The following CSMD3 variants were observed in gnomAD, a reference collection of about 807,000 sequenced individuals.
The protein encoded by CSMD3 is CUB and sushi domain-containing protein 3.
Under a neutral mutation model 435.2 loss-of-function variants are expected in CSMD3, and 177 were observed. That is an observed-to-expected ratio of 0.41 (90% confidence interval 0.36 to 0.46). The LOEUF is 0.46. Among genes scored for constraint, CSMD3 ranks in the 20% least tolerant of loss-of-function variants. The probability of loss-of-function intolerance (pLI) is 0.34; values close to 1 mark genes in which losing one functional copy is unlikely to be tolerated. For synonymous variants in CSMD3, 1,656 were observed against 1,520.5 expected (o/e 1.09, Z -2.07); for missense variants, 4,265 against 4,504.6 (o/e 0.95, Z 1.52).
intron 4 of CSMD3, among the ~76,000 whole-genome samples, chr8:113,134,041 A>G (rs2091353053): frequency 6.6e-6 from 1 of 152,104 alleles, no homozygotes; most frequent in Admixed American, 6.6e-5. Flanking sequence ...GGTAAATTTT[A>G]TATTATATGT....
chr8:112,242,889 C>T (rs185593486), intron 65 of CSMD3, among the ~76,000 whole-genome samples: 209 of 152,118 alleles, frequency 1.4e-3, no homozygotes, highest in African/African-American at 4.9e-3. Context: ...TGAATGACAT[C>T]ACCTAAAAGT....
chr8:112,637,098 A>G, intron 21 of CSMD3, 93 bp from the exon 22 acceptor site: 1 of 983,930 alleles, frequency 1.0e-6, no homozygotes, highest in Non-Finnish European at 1.6e-6. Flanking sequence ...TATTGTTTTT[A>G]GAACCTAGTC....
At position 112,711,822 on chromosome 8, in the gene CSMD3, T is replaced by A. The variant is rs1049728006; in HGVS notation, c.1973-21772A>T. 5.3e-5 allele frequency among the ~76,000 whole-genome samples: 8 copies of A among 152,208 alleles called. No individual in the cohort carries two copies. The South Asian group carries it at 6.2e-4, about 12-fold the overall frequency. On this transcript the variant is annotated intron_variant, in intron 13 of 70. Transcript: ENST00000297405. The stretch of plus-strand genomic sequence containing the variant: ...AGGCTGGAGTGCAGTGGCCAGATAA[T>A]GGCTCACTGCAGCTCACTGAGGCCT...
chr8:112,288,466 T>G (rs1819434816), intron 57 of CSMD3, among the ~76,000 whole-genome samples: 2 of 152,104 alleles, frequency 1.3e-5, no homozygotes, highest in African/African-American at 4.8e-5. Context: ...AATCACTAGT[T>G]AAAAGATTTG....
chr8:112,241,740 G>A lies in CSMD3; in HGVS notation c.10448C>T (p.Thr3483Ile), dbSNP rs1233058192. 1 of 1,612,266 alleles carries A rather than the reference G, an allele frequency of 6.2e-7. No individual in the cohort carries two copies. The change falls in exon 66 of 71, where the codon ACA becomes ATA. Residue 3483 changes from threonine to isoleucine, a missense_variant. Transcript: ENST00000297405. Reference sequence around the variant, plus strand: ...CTAACCACTTAGCTTTGGGCTGGGTGTTCCCAGTGCAGGTCTAGGATCTTT... The same window carrying A: ...CTAACCACTTAGCTTTGGGCTGGGTATTCCCAGTGCAGGTCTAGGATCTTT... ...LVKDPRPALG[T>I]PSPKLSVPDD... is the part of the protein sequence containing the mutation.
At chr8:112,476,810 T>C (rs1819099391) in intron 31 of CSMD3, among the ~76,000 whole-genome samples, 1 of 152,170 alleles carries the variant, frequency 6.6e-6, no homozygotes, top group Non-Finnish European at 1.5e-5. Flanking sequence ...CATAACCTTA[T>C]GTGATTTATC....
At chr8:113,273,354 C>T (rs1048469344) in intron 3 of CSMD3, among the ~76,000 whole-genome samples, 15 of 151,862 alleles carry the variant, frequency 9.9e-5, no homozygotes, top group Middle Eastern at 3.4e-3. Flanking sequence ...CCCTTGTTAT[C>T]GGTGACTTTG....
intron 3 of CSMD3, among the ~76,000 whole-genome samples, chr8:113,181,361 C>T (rs888791921): frequency 3.9e-5 from 6 of 152,004 alleles, no homozygotes; most frequent in African/African-American, 1.4e-4. Context: ...TAATGTCATT[C>T]TGTTTTCATA....
At chr8:113,190,328 A>C (rs149427945) in intron 3 of CSMD3, among the ~76,000 whole-genome samples, 1 of 151,910 alleles carries the variant, frequency 6.6e-6, no homozygotes. Context: ...CCACTGTATT[A>C]TTAGATAATA....
intron 13 of CSMD3, among the ~76,000 whole-genome samples, chr8:112,725,118 T>A (rs1302393584): frequency 1.3e-5 from 2 of 151,958 alleles, no homozygotes; most frequent in Non-Finnish European, 2.9e-5. Context: ...AAAAAATATA[T>A]GGCAATAACT....
chr8:112,288,720 AACTTAAACGTTTATCTC>A (rs921872030), intron 57 of CSMD3, among the ~76,000 whole-genome samples: 1 of 152,044 alleles, frequency 6.6e-6, no homozygotes, highest in African/African-American at 2.4e-5. Flanking sequence ...AAAAAGTGGT[AACTTAAACGTTTATCTC>A]AGAAAAGATT....
Position 112,224,007 on chromosome 8 carries a change from A to T in CSMD3, c.*764T>A, listed in dbSNP as rs2129743667. ...TTAAAAAATAATAAAAATAAATAGG[A>T]AAAAACCATATTGAAGCAAGGAGTG... On this transcript the variant is annotated 3_prime_UTR_variant, in exon 71 of 71. Coordinates refer to ENST00000297405, the MANE Select transcript of CSMD3 (RefSeq NM_198123.2). 1 of 152,282 alleles carries T rather than the reference A, an allele frequency of 6.6e-6. No homozygotes were observed. Among genetic ancestry groups the T allele is most frequent in the South Asian group, 2.1e-4 (1 of 4,828 alleles). 9.4% of individuals were successfully genotyped at this position (152,282 alleles called of 1,614,324 possible). A position where few individuals can be genotyped will look rare whatever the true frequency, so the allele number is the denominator to read the frequency against.
intron 1 of CSMD3, among the ~76,000 whole-genome samples, chr8:113,321,812 G>A (rs182150719): frequency 1.8e-4 from 28 of 152,200 alleles, no homozygotes; most frequent in African/African-American, 6.5e-4. Context: ...AAGATTTGGG[G>A]TGAATGCATT....
intron 5 of CSMD3, among the ~76,000 whole-genome samples, chr8:113,089,374 A>ATT (rs34319371): frequency 2.6e-5 from 4 of 151,824 alleles, no homozygotes; most frequent in African/African-American, 9.7e-5. Context: ...TAAGGTAGCT[A>ATT]TTTTTTTCTA....
chr8:112,599,851 A>G lies in CSMD3; in HGVS notation c.3716-12616T>C, dbSNP rs10955628. Among the ~76,000 whole-genome samples, 312 of 106,078 alleles carry G rather than the reference A, an allele frequency of 2.9e-3. 2 individuals are homozygous for G. The highest frequency in any genetic ancestry group is 0.011 in the African/African-American group (266 of 25,312). 69.6% of individuals were successfully genotyped at this position (106,078 alleles called of 152,430 possible). ...ACATGGACACAGGAAGGGGAATATC[A>G]CACTCTGGGGACTGTGGTGGGGTGG... On this transcript the variant is annotated intron_variant, in intron 22 of 70. Transcript: ENST00000297405.
intron 38 of CSMD3, among the ~76,000 whole-genome samples, chr8:112,372,970 AAT>A (rs374350164): frequency 0.2 from 29,442 of 144,754 alleles, 3,517 homozygotes; most frequent in East Asian, 0.38. Flanking sequence ...CAGCAGAAAA[AAT>A]ATATATATAT....
intron 30 of CSMD3, among the ~76,000 whole-genome samples, chr8:112,493,923 G>A (rs75796013): frequency 0.021 from 3,151 of 152,126 alleles, 49 homozygotes; most frequent in Non-Finnish European, 0.031. Context: ...ATCAGAATTT[G>A]TTTTGTGCTA....
At chr8:113,341,093 A>C (rs1044089536) in intron 1 of CSMD3, among the ~76,000 whole-genome samples, 4 of 152,074 alleles carry the variant, frequency 2.6e-5, no homozygotes, top group African/African-American at 9.7e-5. Context: ...CAAGGGTACA[A>C]TTTGATGTTT....
intron 59 of CSMD3, among the ~76,000 whole-genome samples, chr8:112,273,727 A>AG (rs1317506409): frequency 1.3e-5 from 2 of 149,012 alleles, no homozygotes; most frequent in Non-Finnish European, 3.0e-5. Context: ...CTCTGTCTCA[A>AG]AAAAAAAAAA....
Sources: allele counts gnomAD v4.1 joint callset (sites outside exome capture counted in the v4.1 genomes callset), GRCh38; gene constraint gnomAD v4.1.1; transcripts MANE v1.5; gene names NCBI Gene and HGNC (gene_info 2026-07-23, HGNC 2026-07-21).